NFIA: variants seen among roughly 807,000 people sequenced by gnomAD.
NFIA encodes nuclear factor 1 A-type.
In NFIA, 8 loss-of-function variants were observed where a neutral mutation model predicts 62.8. The ratio of observed to expected loss-of-function variants is 0.13; its 90% CI spans 0.07 to 0.23. The LOEUF is 0.23. NFIA is among the 10% of genes least tolerant of loss of function. The pLI is 1.00. For missense variants in NFIA, 410 were observed against 642.1 expected (o/e 0.64, Z 3.91); for synonymous variants, 235 against 238.1 (o/e 0.99, Z 0.12).
intron 5 of NFIA, among the ~76,000 whole-genome samples, chr1:61,354,995 G>T (rs1164240124): frequency 6.8e-6 from 1 of 147,838 alleles, no homozygotes; most frequent in African/African-American, 2.5e-5. Context: ...TCAGTTCAGG[G>T]TCCTATGAAC....
At chr1:61,365,178 C>A (rs1663520072) in intron 6 of NFIA, among the ~76,000 whole-genome samples, 1 of 152,186 alleles carries the variant, frequency 6.6e-6, no homozygotes, top group African/African-American at 2.4e-5. Flanking sequence ...CAGAGTGAGA[C>A]CCTGTCTCAA....
chr1:61,124,496 T>A (rs1311920547), intron 2 of NFIA, among the ~76,000 whole-genome samples: 1 of 152,186 alleles, frequency 6.6e-6, no homozygotes, highest in African/African-American at 2.4e-5. Context: ...TATTTTGACA[T>A]GCAAGAGGAG....
intron 10 of NFIA, among the ~76,000 whole-genome samples, chr1:61,452,900 C>G (rs1668122522): frequency 6.6e-6 from 1 of 151,874 alleles, no homozygotes; most frequent in Non-Finnish European, 1.5e-5. Flanking sequence ...TTCCCTTAAG[C>G]AGCTAAAGTA....
At chr1:61,362,485 T>C (rs1380312154) in intron 6 of NFIA, among the ~76,000 whole-genome samples, 4 of 152,110 alleles carry the variant, frequency 2.6e-5, no homozygotes, top group Non-Finnish European at 5.9e-5. Context: ...TTTCCAGGAC[T>C]CCCTGGCCAA....
chr1:61,146,464 G>A (rs1425703571), intron 2 of NFIA, among the ~76,000 whole-genome samples: 1 of 152,090 alleles, frequency 6.6e-6, no homozygotes, highest in Non-Finnish European at 1.5e-5. Flanking sequence ...AGGAGAAAAC[G>A]CTCTAAAATG....
chr1:61,387,468 C>CTT (rs33965994), intron 7 of NFIA, among the ~76,000 whole-genome samples: 675 of 95,384 alleles, frequency 7.1e-3, no homozygotes, highest in Non-Finnish European at 0.01. Flanking sequence ...CAAGCACTTT[C>CTT]TTTTTTTTTT....
intron 2 of NFIA, among the ~76,000 whole-genome samples, chr1:61,150,973 T>G (rs1648357896): frequency 6.6e-6 from 1 of 152,098 alleles, no homozygotes. Flanking sequence ...AAGAGGGATT[T>G]GTGTAGTATG....
At chr1:61,238,828 T>G (rs2100642449) in intron 2 of NFIA, among the ~76,000 whole-genome samples, 1 of 152,290 alleles carries the variant, frequency 6.6e-6, no homozygotes, top group Non-Finnish European at 1.5e-5. Context: ...GACATTATAA[T>G]GTGTCAGGGA....
chr1:61,343,792 CTT>C (rs1332691124), intron 4 of NFIA, among the ~76,000 whole-genome samples: 2 of 152,144 alleles, frequency 1.3e-5, no homozygotes, highest in Non-Finnish European at 2.9e-5. Flanking sequence ...GAGAAAGTAC[CTT>C]TATGATTGAT....
intron 9 of NFIA, among the ~76,000 whole-genome samples, chr1:61,425,279 C>G (rs1666814901): frequency 6.6e-6 from 1 of 151,852 alleles, no homozygotes; most frequent in Non-Finnish European, 1.5e-5. Context: ...GAGCAATTTT[C>G]TGTAAAACAG....
chr1:61,354,953 A>G (rs920048637), intron 5 of NFIA, among the ~76,000 whole-genome samples: 3 of 152,112 alleles, frequency 2.0e-5, no homozygotes, highest in South Asian at 2.1e-4. Flanking sequence ...GGGCTTTACA[A>G]TCTAGTGGTA....
chr1:61,080,973 A>G (rs1261561200), upstream of NFIA, among the ~76,000 whole-genome samples: 1 of 151,518 alleles, frequency 6.6e-6, no homozygotes, highest in Non-Finnish European at 1.5e-5. Flanking sequence ...ACTCACCCTC[A>G]CTTGTTAACA....
At chr1:61,319,277 A>G (rs1180719873) in intron 3 of NFIA, among the ~76,000 whole-genome samples, 2 of 152,164 alleles carry the variant, frequency 1.3e-5, no homozygotes, top group African/African-American at 4.8e-5. Flanking sequence ...AAAAATTGGT[A>G]AAATATATAT....
At chr1:61,222,805 A>G (rs899798911) in intron 2 of NFIA, among the ~76,000 whole-genome samples, 1 of 152,054 alleles carries the variant, frequency 6.6e-6, no homozygotes, top group African/African-American at 2.4e-5. Flanking sequence ...CATTTATTAT[A>G]TATATGCTAC....
Position 61,456,851 on chromosome 1 carries a change from A to G in NFIA, c.*1531A>G, listed in dbSNP as rs546232789. The G allele has an allele frequency of 1.3e-5, 2 of 151,684 alleles. No individual in the cohort carries two copies. Among genetic ancestry groups the G allele is most frequent in the Admixed American group, 6.6e-5 (1 of 15,246 alleles). 9.4% of individuals were successfully genotyped at this position (151,684 alleles called of 1,614,324 possible). On this transcript the variant is annotated 3_prime_UTR_variant, in exon 11 of 11. Coordinates refer to ENST00000403491, the MANE Select transcript of NFIA (RefSeq NM_001134673.4). ...AAAACACAAAAAACCACAGAAACAAAAACAAAAAAAAGTGCAAGTGATTTT... is the reference window on the plus strand; with the variant it reads ...AAAACACAAAAAACCACAGAAACAAGAACAAAAAAAAGTGCAAGTGATTTT...
chr1:61,291,226 G>A (rs1658861727), intron 3 of NFIA, among the ~76,000 whole-genome samples: 1 of 152,336 alleles, frequency 6.6e-6, no homozygotes, highest in South Asian at 2.1e-4. Flanking sequence ...CCTTTCCGGT[G>A]TTCTTTCAGC....
chr1:61,207,823 A>G (rs1652994024), intron 2 of NFIA, among the ~76,000 whole-genome samples: 2 of 152,204 alleles, frequency 1.3e-5, no homozygotes, highest in African/African-American at 4.8e-5. Context: ...TTAAAAGATT[A>G]GAGCATACTT....
chr1:61,160,040 G>T (rs1471412585), intron 2 of NFIA, among the ~76,000 whole-genome samples: 1 of 152,160 alleles, frequency 6.6e-6, no homozygotes, highest in Non-Finnish European at 1.5e-5. Flanking sequence ...TTTGTTTATA[G>T]ATACAGACAT....
At chr1:61,310,598 G>A (rs1181446529) in intron 3 of NFIA, among the ~76,000 whole-genome samples, 6 of 152,106 alleles carry the variant, frequency 3.9e-5, no homozygotes, top group Non-Finnish European at 8.8e-5. Context: ...TGCCAGTCAC[G>A]TCCCAGTTAA....
Sources: gnomAD v4.1 joint callset for allele counts (sites outside exome capture counted in the v4.1 genomes callset) on GRCh38, gnomAD v4.1.1 for gene constraint, MANE v1.5 for transcripts, NCBI Gene and HGNC (gene_info 2026-07-23, HGNC 2026-07-21) for gene names.